Variants in SH3BP5 observed in about 807,000 individuals in gnomAD.
The protein encoded by SH3BP5 is SH3 domain binding protein 5, also known as SH3 domain-binding protein 5.
In SH3BP5, 22 loss-of-function variants were observed where a neutral mutation model predicts 43.3. The observed-to-expected ratio is 0.51, with a 90% confidence interval of 0.36 to 0.73. SH3BP5 has a LOEUF of 0.73. Ranked by LOEUF, SH3BP5 falls within the 30% of genes least tolerant of loss-of-function variation. SH3BP5 has a pLI of 0.00. For missense variants in SH3BP5, 529 were observed against 586.9 expected, an observed-to-expected ratio of 0.90 and a Z score of 1.02; for synonymous variants, 255 against 225.8, an observed-to-expected ratio of 1.13 and a Z score of -1.16.
At chr3:15,258,483 G>A in intron 7 of SH3BP5, 1 of 308,374 alleles carries the variant, frequency 3.2e-6, no homozygotes, top group Non-Finnish European at 6.1e-6. Context: ...CCCACATCAT[G>A]CCTTAGTAAT....
At chr3:15,256,458 A>AGCTGCTTTGGCT in intron 8 of SH3BP5, 155 bp from the exon 9 acceptor site, 1 of 744,354 alleles carries the variant, frequency 1.3e-6, no homozygotes, top group Non-Finnish European at 2.3e-6. Context: ...TCCCACTGTT[A>AGCTGCTTTGGCT]CCTACCGTGC....
chr3:15,283,136 G>A (rs1434811663), intron 3 of SH3BP5, among the ~76,000 whole-genome samples: 4 of 152,196 alleles, frequency 2.6e-5, no homozygotes, highest in Admixed American at 2.0e-4. Context: ...GGTGGCTCAC[G>A]CCTGTAATCT....
At chr3:15,265,674 A>G (rs1343774094) in intron 4 of SH3BP5, among the ~76,000 whole-genome samples, 2 of 151,916 alleles carry the variant, frequency 1.3e-5, no homozygotes, top group Admixed American at 6.6e-5. Flanking sequence ...GAGCTCCTCT[A>G]TCTACAGCCT....
intron 3 of SH3BP5, chr3:15,273,106 C>A (rs1237086358): frequency 2.4e-5 from 24 of 982,294 alleles, no homozygotes; most frequent in Non-Finnish European, 2.8e-5. Context: ...CCATAGGTGG[C>A]CTCTCCTACC....
intron 8 of SH3BP5, 81 bp downstream of exon 8, chr3:15,256,772 G>C: frequency 6.8e-7 from 1 of 1,467,394 alleles, no homozygotes; most frequent in Non-Finnish European, 9.2e-7. Flanking sequence ...CCTGAGACCT[G>C]GCAGAGGTAT....
At chr3:15,284,638 A>C (rs901038927) in intron 3 of SH3BP5, among the ~76,000 whole-genome samples, 9 of 152,228 alleles carry the variant, frequency 5.9e-5, no homozygotes, top group African/African-American at 2.2e-4. Context: ...GAGCTTCTCC[A>C]TATTGGCCAG....
At chr3:15,266,283 G>A (rs3773470) in intron 4 of SH3BP5, among the ~76,000 whole-genome samples, 1 of 152,064 alleles carries the variant, frequency 6.6e-6, no homozygotes, top group African/African-American at 2.4e-5. Context: ...ACCCACCAAC[G>A]TCAGGGAGGC....
intron 3 of SH3BP5, among the ~76,000 whole-genome samples, chr3:15,294,330 T>TGC (rs71045148): frequency 0.11 from 13,013 of 121,016 alleles, 839 homozygotes; most frequent in Middle Eastern, 0.15. Context: ...TGTGTGTGTG[T>TGC]GCGCGCGCAT....
intron 4 of SH3BP5, among the ~76,000 whole-genome samples, chr3:15,262,773 C>A (rs536574480): frequency 6.6e-6 from 1 of 152,214 alleles, no homozygotes; most frequent in Admixed American, 6.5e-5. Flanking sequence ...GCCTGGCCAA[C>A]ATGGCAAAAC....
At chr3:15,283,469 GAC>G (rs1373701524) in intron 3 of SH3BP5, among the ~76,000 whole-genome samples, 2 of 152,184 alleles carry the variant, frequency 1.3e-5, no homozygotes, top group African/African-American at 4.8e-5. Context: ...CCAAACAAGA[GAC>G]AGGTTTACAA....
intron 4 of SH3BP5, among the ~76,000 whole-genome samples, chr3:15,267,964 C>T (rs1451131470): frequency 6.6e-6 from 1 of 152,222 alleles, no homozygotes; most frequent in Non-Finnish European, 1.5e-5. Context: ...CAGCTAATTT[C>T]TTGGAAGAAG....
intron 4 of SH3BP5, 88 bp downstream of exon 4, chr3:15,269,625 T>C: frequency 1.5e-6 from 2 of 1,375,504 alleles, no homozygotes; most frequent in African/African-American, 1.5e-5. Flanking sequence ...GCAACATGCC[T>C]GGGAGTCGAG....
intron 2 of SH3BP5, among the ~76,000 whole-genome samples, chr3:15,306,054 T>TAAAAAAA (rs60186514): frequency 1.5e-4 from 20 of 137,014 alleles, no homozygotes; most frequent in African/African-American, 1.7e-4. Context: ...TGCATGAGTT[T>TAAAAAAA]AAAAAAAAAA....
rs1296369342 is a variant in SH3BP5, at chr3:15,288,748, AAAAC to A, written c.330+15351_330+15354del. ...GAATGAGAGACCCTGTCTCAAAAAC[AAAAC>A]AAACAAACAAAAAAAGGCTATTTCA... On this transcript the variant is annotated intron_variant, in intron 3 of 8. Transcript: ENST00000383791. 3.3e-5 allele frequency among the ~76,000 whole-genome samples: 5 copies of A among 152,134 alleles called. No homozygotes were observed. In the East Asian group the frequency reaches 5.8e-4, roughly 18 times the overall value.
At chr3:15,264,109 T>C (rs1005366379) in intron 4 of SH3BP5, among the ~76,000 whole-genome samples, 2 of 152,200 alleles carry the variant, frequency 1.3e-5, no homozygotes, top group African/African-American at 4.8e-5. Context: ...ACTTATTACT[T>C]ACGATAAGGA....
chr3:15,269,582 G>A (rs2125063566), intron 4 of SH3BP5, 131 bp downstream of exon 4: 1 of 972,942 alleles, frequency 1.0e-6, no homozygotes, highest in African/African-American at 1.6e-5. Flanking sequence ...ATCATACGGA[G>A]ATGACAACCT....
Position 15,255,001 on chromosome 3 carries a change from A to G in SH3BP5, c.*1085T>C, listed in dbSNP as rs1273381485. ...AAATATACAGGCTGTGACAGAATTA[A>G]CAGTTTGAAAGAGGGTTGCTTTTTT... On this transcript the variant is annotated 3_prime_UTR_variant, in exon 9 of 9. Coordinates refer to ENST00000383791, the MANE Select transcript of SH3BP5 (RefSeq NM_004844.5). The G allele has an allele frequency of 6.6e-6, 1 of 152,484 alleles. No individual in the cohort carries two copies. The highest frequency in any genetic ancestry group is 1.5e-5 in the Non-Finnish European group (1 of 68,054). The allele number at this position is 152,484 out of a possible 1,614,324, so 9.4% of individuals were successfully genotyped here.
chr3:15,309,404 C>T (rs374368397), intron 2 of SH3BP5, among the ~76,000 whole-genome samples: 11 of 152,234 alleles, frequency 7.2e-5, no homozygotes, highest in African/African-American at 2.2e-4. Context: ...CAGAGTCTTG[C>T]TATGATGCCC....
At chr3:15,332,210 A>G (rs1698629534) in intron 1 of SH3BP5, 61 bp downstream of exon 1, 1 of 1,545,820 alleles carries the variant, frequency 6.5e-7, no homozygotes, top group African/African-American at 1.4e-5. Flanking sequence ...GTACGCGTAG[A>G]CACCGACCTC....
Sources: gnomAD v4.1 joint callset for allele counts (sites outside exome capture counted in the v4.1 genomes callset) on GRCh38, gnomAD v4.1.1 for gene constraint, MANE v1.5 for transcripts, NCBI Gene and HGNC (gene_info 2026-07-23, HGNC 2026-07-21) for gene names.